RIMS2: variants seen among roughly 807,000 people sequenced by gnomAD.
The protein encoded by RIMS2 is regulating synaptic membrane exocytosis 2, also known as regulating synaptic membrane exocytosis protein 2.
Under a neutral mutation model 174.4 loss-of-function variants are expected in RIMS2, and 59 were observed. The observed-to-expected ratio is 0.34, with a 90% CI of 0.27 to 0.42. The LOEUF is 0.42. Ranked by LOEUF, RIMS2 falls within the 10% of genes least tolerant of loss-of-function variation. The pLI is 1.00. For missense variants in RIMS2, 1,620 were observed against 1,666.3 expected, an observed-to-expected ratio of 0.97 and a Z score of 0.48; for synonymous variants, 606 against 572.5, an observed-to-expected ratio of 1.06 and a Z score of -0.84.
chr8:104,007,196 A>T (rs1235798507), intron 17 of RIMS2, among the ~76,000 whole-genome samples: 1 of 152,112 alleles, frequency 6.6e-6, no homozygotes, highest in African/African-American at 2.4e-5. Flanking sequence ...TCTATATTTT[A>T]TATTACATAT....
chr8:103,885,078 C>T (rs2099191702), intron 3 of RIMS2, among the ~76,000 whole-genome samples: 1 of 151,778 alleles, frequency 6.6e-6, no homozygotes, highest in Non-Finnish European at 1.5e-5. Flanking sequence ...AAGCATATTC[C>T]AGATATAGTG....
chr8:103,915,137 A>G (rs1418253984), intron 6 of RIMS2, among the ~76,000 whole-genome samples: 1 of 152,098 alleles, frequency 6.6e-6, no homozygotes, highest in African/African-American at 2.4e-5. Flanking sequence ...AAGTATTTAC[A>G]TCTATAACTA....
Position 103,609,168 on chromosome 8 carries a change from C to T in RIMS2, c.177-87918C>T, listed in dbSNP as rs968256663. Among the ~76,000 whole-genome samples the T allele has an allele frequency of 5.3e-5, 8 of 152,046 alleles. No individual in the cohort carries two copies. In the South Asian group the frequency reaches 6.2e-4, roughly 12 times the overall value. On this transcript the variant is annotated intron_variant, in intron 1 of 23. Coordinates refer to ENST00000504942, the Ensembl canonical transcript of RIMS2. ...ATGTATGTCTTGTTTTGAAAAGTGC[C>T]GGTTCATGTCTTTTACCCACTTTTT... is the stretch of plus-strand genomic sequence containing the variant.
intron 17 of RIMS2, among the ~76,000 whole-genome samples, chr8:104,002,095 A>G (rs1430833549): frequency 6.6e-6 from 1 of 152,110 alleles, no homozygotes; most frequent in African/African-American, 2.4e-5. Context: ...TCTCATGACC[A>G]TACTTTACAT....
intron 1 of RIMS2, among the ~76,000 whole-genome samples, chr8:103,506,127 C>CA (rs1344854561): frequency 8.6e-5 from 13 of 150,834 alleles, no homozygotes; most frequent in African/African-American, 2.9e-4. Flanking sequence ...TTGCCATTGC[C>CA]AAAAAAATGA....
chr8:103,808,656 G>C (rs2098666495), intron 3 of RIMS2, among the ~76,000 whole-genome samples: 1 of 152,060 alleles, frequency 6.6e-6, no homozygotes, highest in Non-Finnish European at 1.5e-5. Context: ...TTTTAAGACT[G>C]TCTACTTGGT....
At chr8:103,910,745 A>G (rs2075510533) in intron 5 of RIMS2, among the ~76,000 whole-genome samples, 1 of 152,220 alleles carries the variant, frequency 6.6e-6, no homozygotes, top group Non-Finnish European at 1.5e-5. Flanking sequence ...GTTTGACGGC[A>G]TACCAAAAAA....
chr8:103,528,967 A>G (rs1835517254), intron 1 of RIMS2, among the ~76,000 whole-genome samples: 1 of 152,172 alleles, frequency 6.6e-6, no homozygotes, highest in Non-Finnish European at 1.5e-5. Context: ...CATTGAATCT[A>G]TAAATTACCT....
In RIMS2 at chr8:103,706,127, A is replaced by G. The variant is rs569057471; in HGVS notation, c.387+8831A>G. 2.5e-4 allele frequency among the ~76,000 whole-genome samples: 38 copies of G among 152,234 alleles called. 1 individual carries two copies. Among genetic ancestry groups the G allele is most frequent in the African/African-American group, 7.7e-4 (32 of 41,566 alleles). ...CTTACAAAATATATTTTATAGTTAT[A>G]GAAAGTTATTTTAAACTGATGACAA... On this transcript the variant is annotated intron_variant, in intron 2 of 23. Transcript: ENST00000504942.
Position 103,605,603 on chromosome 8 carries a change from G to T in RIMS2, c.177-91483G>T, listed in dbSNP as rs1304495946. On this transcript the variant is annotated intron_variant, in intron 1 of 23. Transcript: ENST00000504942. ...CCAGTTCCTCCTTGTACCTCTGGTAGAATTCAGCTGTGAATCCATCTGGTC... is the reference window on the plus strand; with the variant it reads ...CCAGTTCCTCCTTGTACCTCTGGTATAATTCAGCTGTGAATCCATCTGGTC... 3.9e-5 allele frequency among the ~76,000 whole-genome samples: 6 copies of T among 152,026 alleles called. No individual in the cohort carries two copies. In the South Asian group the frequency reaches 8.3e-4, roughly 21 times the overall value.
intron 19 of RIMS2, among the ~76,000 whole-genome samples, chr8:104,171,544 C>T (rs564679122): frequency 1.3e-5 from 2 of 151,376 alleles, no homozygotes; most frequent in South Asian, 4.2e-4. Context: ...TCATTTGTAT[C>T]CTGGATTTTT....
At chr8:103,719,352 C>T (rs1293133869) in intron 2 of RIMS2, among the ~76,000 whole-genome samples, 2 of 152,264 alleles carry the variant, frequency 1.3e-5, no homozygotes, top group East Asian at 3.9e-4. Context: ...AAAAACATTC[C>T]TAATGGAAAC....
chr8:103,581,809 G>T (rs2093634470), intron 1 of RIMS2, among the ~76,000 whole-genome samples: 1 of 152,180 alleles, frequency 6.6e-6, no homozygotes, highest in Non-Finnish European at 1.5e-5. Flanking sequence ...ACCAAAGGCT[G>T]CATGTGCCCT....
chr8:103,508,604 G>A (rs935409931), intron 1 of RIMS2, among the ~76,000 whole-genome samples: 3 of 152,006 alleles, frequency 2.0e-5, no homozygotes, highest in African/African-American at 7.2e-5. Flanking sequence ...AGCCTTCTAT[G>A]CTATTCTTTG....
At chr8:103,610,449 A>G (rs1310263975) in intron 1 of RIMS2, among the ~76,000 whole-genome samples, 1 of 152,168 alleles carries the variant, frequency 6.6e-6, no homozygotes, top group African/African-American at 2.4e-5. Context: ...CTCATTCAGT[A>G]TGACGTTGGC....
chr8:103,875,562 G>A (rs913004014), intron 3 of RIMS2, among the ~76,000 whole-genome samples: 2 of 151,948 alleles, frequency 1.3e-5, no homozygotes, highest in Non-Finnish European at 2.9e-5. Context: ...AAATTGTACT[G>A]TGATAAACGT....
intron 2 of RIMS2, among the ~76,000 whole-genome samples, chr8:103,747,216 A>G (rs1397609220): frequency 6.7e-6 from 1 of 149,612 alleles, no homozygotes; most frequent in Admixed American, 6.6e-5. Flanking sequence ...AGCATTAGGT[A>G]TATCTCCCAA....
At chr8:103,543,950 C>T (rs1843707878) in intron 1 of RIMS2, among the ~76,000 whole-genome samples, 1 of 152,022 alleles carries the variant, frequency 6.6e-6, no homozygotes, top group Non-Finnish European at 1.5e-5. Context: ...TAGATATGAT[C>T]CCAACAGCAA....
chr8:104,255,176 CT>C (rs560428702), downstream of RIMS2: 265 of 152,242 alleles, frequency 1.7e-3, 1 homozygote, highest in African/African-American at 5.9e-3. Context: ...CCAATTCCCC[CT>C]ATCTGTCCCA....
Sources: allele counts gnomAD v4.1 joint callset (sites outside exome capture counted in the v4.1 genomes callset), GRCh38; gene constraint gnomAD v4.1.1; transcripts MANE v1.5; gene names NCBI Gene and HGNC (gene_info 2026-07-23, HGNC 2026-07-21).